The following SNX30 variants were observed in gnomAD, a reference collection of about 807,000 sequenced individuals.
SNX30 encodes sorting nexin-30.
In SNX30, 24 loss-of-function variants were observed where a neutral mutation model predicts 46.4. The ratio of observed to expected loss-of-function variants is 0.52; its 90% confidence interval spans 0.37 to 0.73. SNX30 has a LOEUF of 0.73. Ranked by LOEUF, SNX30 falls within the 30% of genes least tolerant of loss-of-function variation. SNX30 has a pLI of 0.00. For synonymous variants in SNX30, 189 were observed against 211.5 expected (o/e 0.89, Z 0.92); for missense variants, 533 against 555.7 (o/e 0.96, Z 0.41).
At chr9:112,773,759 T>C (rs1184078525) in intron 1 of SNX30, among the ~76,000 whole-genome samples, 1 of 152,198 alleles carries the variant, frequency 6.6e-6, no homozygotes, top group Non-Finnish European at 1.5e-5. Context: ...TCATTTACTA[T>C]AAATTATGAC....
intron 1 of SNX30, among the ~76,000 whole-genome samples, chr9:112,757,351 T>C (rs1258256526): frequency 2.0e-5 from 3 of 152,242 alleles, no homozygotes; most frequent in South Asian, 2.1e-4. Context: ...CTGAATAATA[T>C]TCAGTTTTGT....
rs1331150461 is a variant in SNX30, at chr9:112,872,382, T to G, written c.*3539T>G. 1 of 152,238 alleles carries G rather than the reference T, an allele frequency of 6.6e-6. No individual in the cohort carries two copies. Among genetic ancestry groups the G allele is most frequent in the African/African-American group, 2.4e-5 (1 of 41,458 alleles). The allele number at this position is 152,238 out of a possible 1,614,324, so 9.4% of individuals were successfully genotyped here. ...ATCGTTAGCTTTGAAATCACAGGCA[T>G]TGGGCTCTGTTTTGACACCATTCAT... is the stretch of plus-strand genomic sequence containing the variant. On this transcript the variant is annotated 3_prime_UTR_variant, in exon 9 of 9. Transcript: ENST00000374232.
chr9:112,797,152 A>T (rs1840119783), intron 1 of SNX30, among the ~76,000 whole-genome samples: 1 of 152,200 alleles, frequency 6.6e-6, no homozygotes, highest in Non-Finnish European at 1.5e-5. Context: ...ACCAAACAAG[A>T]TAACTAACTA....
At chr9:112,810,890 T>C (rs749095159) in intron 2 of SNX30, among the ~76,000 whole-genome samples, 40 of 152,042 alleles carry the variant, frequency 2.6e-4, no homozygotes, top group Middle Eastern at 3.4e-3. Context: ...TGGGGAGTGG[T>C]GGTCAGGAGC....
At chr9:112,879,857 C>T (rs1029303889), downstream of SNX30, 1 of 1,588,822 alleles carries the variant, frequency 6.3e-7, no homozygotes, top group South Asian at 1.1e-5. Context: ...AAGAGAACAG[C>T]TGGAATGGGG....
chr9:112,839,379 A>T (rs1840819492), intron 6 of SNX30, among the ~76,000 whole-genome samples: 1 of 152,244 alleles, frequency 6.6e-6, no homozygotes. Flanking sequence ...CGAATTTGAA[A>T]GCTTTTTAAA....
Position 112,864,271 on chromosome 9 carries a change from C to G in SNX30, c.1126C>G (p.Gln376Glu). The G allele has an allele frequency of 6.2e-7, 1 of 1,614,094 alleles. No homozygotes were observed. The highest frequency in any genetic ancestry group is 8.5e-7 in the Non-Finnish European group (1 of 1,180,012). The change falls in exon 8 of 9, where the codon CAG (glutamine) becomes GAG (glutamate). Residue 376 changes from glutamine (Q) to glutamate (E), a missense_variant. Gln to Glu is a conservative substitution (Grantham distance 29). Transcript: ENST00000374232. The part of the protein sequence containing the change: ...PKVPADVEKC[Q>E]DRMECFNADL... Reference sequence around the variant, plus strand: ...GGTACCGGCGGACGTCGAGAAATGTCAGGATCGGATGGAGTGTTTCAATGC... The same window carrying G: ...GGTACCGGCGGACGTCGAGAAATGTGAGGATCGGATGGAGTGTTTCAATGC...
At chr9:112,761,207 G>T (rs374679516) in intron 1 of SNX30, among the ~76,000 whole-genome samples, 1 of 152,164 alleles carries the variant, frequency 6.6e-6, no homozygotes, top group Non-Finnish European at 1.5e-5. Context: ...CTGTCATCCA[G>T]GCTGGAGTGC....
chr9:112,767,845 C>T (rs1230005551), intron 1 of SNX30, among the ~76,000 whole-genome samples: 1 of 152,150 alleles, frequency 6.6e-6, no homozygotes, highest in Non-Finnish European at 1.5e-5. Flanking sequence ...CGCGATCCTC[C>T]CACCCTGGCC....
intron 1 of SNX30, among the ~76,000 whole-genome samples, chr9:112,766,741 C>T (rs1024603281): frequency 6.6e-6 from 1 of 152,188 alleles, no homozygotes; most frequent in Non-Finnish European, 1.5e-5. Flanking sequence ...GCTTATTTCA[C>T]TTAGCATAAC....
intron 1 of SNX30, among the ~76,000 whole-genome samples, chr9:112,760,920 G>C (rs376565335): frequency 6.6e-6 from 1 of 152,152 alleles, no homozygotes; most frequent in African/African-American, 2.4e-5. Flanking sequence ...GGGGCTTTCA[G>C]ATGTGGGGTG....
chr9:112,866,750 A>C (rs1195735189), intron 8 of SNX30, among the ~76,000 whole-genome samples: 12 of 144,112 alleles, frequency 8.3e-5, no homozygotes, highest in Non-Finnish European at 1.7e-4. Flanking sequence ...CATCCTCAGA[A>C]CTCCTCCTGC....
At chr9:112,753,115 A>G (rs66750115) in intron 1 of SNX30, among the ~76,000 whole-genome samples, 27,890 of 152,214 alleles carry the variant, frequency 0.18, 2,851 homozygotes, top group Admixed American at 0.25. Context: ...CAGGGTGTGT[A>G]TACCAAGAGG....
intron 8 of SNX30, among the ~76,000 whole-genome samples, chr9:112,867,053 C>T (rs868027498): frequency 4.2e-5 from 6 of 143,228 alleles, no homozygotes; most frequent in South Asian, 4.8e-4. Context: ...AATTCTTTCT[C>T]CCTCCTCAGA....
intron 1 of SNX30, among the ~76,000 whole-genome samples, chr9:112,759,119 A>C (rs150867087): frequency 6.6e-6 from 1 of 151,946 alleles, no homozygotes; most frequent in African/African-American, 2.4e-5. Flanking sequence ...TCCTGCCTCA[A>C]CTTCCCAAAA....
At position 112,775,542 on chromosome 9, in the gene SNX30, T is replaced by TTTTG. The variant is rs1554749284; in HGVS notation, c.156+24386_156+24387insTTGT. 1.5e-3 allele frequency among the ~76,000 whole-genome samples: 196 copies of TTTTG among 131,412 alleles called. 1 individual carries two copies. In the Middle Eastern group the frequency reaches 0.016, roughly 11 times the overall value. 86.2% of individuals were successfully genotyped at this position (131,412 alleles called of 152,430 possible). On this transcript the variant is annotated intron_variant, in intron 1 of 8. Coordinates refer to ENST00000374232, the MANE Select transcript of SNX30 (RefSeq NM_001012994.2). ...GTGGCTTGTCCTTTTTATTTTAAAT[T>TTTTG]TGTGTGTGTGTGTGTGTGTGTGTGT...
chr9:112,868,263 C>G (rs1285324455), intron 8 of SNX30, among the ~76,000 whole-genome samples: 3 of 152,216 alleles, frequency 2.0e-5, no homozygotes, highest in African/African-American at 7.2e-5. Context: ...CTTCCATATT[C>G]CCTTTTGAGA....
downstream of SNX30, chr9:112,878,285 T>G (rs1841539344): frequency 1.3e-5 from 2 of 152,322 alleles, no homozygotes; most frequent in Admixed American, 6.5e-5. Context: ...CTTACTGTCC[T>G]CCGTAATACT....
At chr9:112,834,860 ACACAC>A (rs1840724910) in intron 4 of SNX30, among the ~76,000 whole-genome samples, 1 of 87,574 alleles carries the variant, frequency 1.1e-5, no homozygotes, top group Non-Finnish European at 3.0e-5. Flanking sequence ...ACACACACAC[ACACAC>A]ACACACACAC....
Sources: allele counts gnomAD v4.1 joint callset (sites outside exome capture counted in the v4.1 genomes callset), GRCh38; gene constraint gnomAD v4.1.1; transcripts MANE v1.5; gene names NCBI Gene and HGNC (gene_info 2026-07-23, HGNC 2026-07-21).